Variants in SRPRA observed in about 807,000 individuals in gnomAD.
SRPRA encodes the protein SRP receptor subunit alpha, also known as signal recognition particle receptor subunit alpha.
SRPRA carries 30 observed loss-of-function variants against 61.1 expected under a neutral mutation model. The ratio of observed to expected loss-of-function variants is 0.49; its 90% CI spans 0.37 to 0.67. The LOEUF (loss-of-function observed/expected upper bound fraction) is 0.67. Among genes scored for constraint, SRPRA ranks in the 30% least tolerant of loss-of-function variants. The pLI, the probability that SRPRA is intolerant of heterozygous loss-of-function variation, is 0.00. For missense variants in SRPRA, 759 were observed against 828.4 expected, an observed-to-expected ratio of 0.92 and a Z score of 1.03; for synonymous variants, 324 against 299.7, an observed-to-expected ratio of 1.08 and a Z score of -0.84.
In SRPRA at chr11:126,264,453, G is replaced by C; in HGVS notation, c.1612C>G (p.Leu538Val). ...NAPLMTALAK[L>V]ITVNTPDLVL... The stretch of plus-strand genomic sequence containing the variant: ...AAATCAGGTGTATTGACAGTAATGA[G>C]TTTGGCCAGGGCAGTCATCAGAGGG... Residue 538 changes from leucine (L) to valine (V), a missense_variant, in exon 12 of 14, where the codon CTC becomes GTC. Physicochemically the swap from Leu to Val is conservative, Grantham distance 32 (BLOSUM62 1). Coordinates refer to ENST00000332118, the MANE Select transcript of SRPRA (RefSeq NM_003139.4). This position sits in a 1 kb window ranked among gnomAD's most constrained non-coding sequence, Gnocchi z 5.0. The C allele has an allele frequency of 6.2e-7, 1 of 1,614,226 alleles. No homozygotes were observed. The highest frequency in any genetic ancestry group is 1.3e-5 in the African/African-American group (1 of 75,060).
rs752047673 is a variant in SRPRA, at chr11:126,267,972, T to G, written c.201+31A>C. On this transcript the variant is annotated intron_variant, in intron 2 of 13. Transcript: ENST00000332118. The surrounding 1 kb of genome is among the most constrained non-coding windows in gnomAD (Gnocchi z 4.2). The stretch of plus-strand genomic sequence containing the variant: ...TTAAAAATCAGGGCTATGTTAACAA[T>G]GCAATCGTCCCTCTACAACACCCCA... 3.1e-6 allele frequency: 5 copies of G among 1,601,428 alleles called. No homozygotes were observed.
Position 126,263,737 on chromosome 11 carries a change from T to C in SRPRA, c.*179A>G, listed in dbSNP as rs1049665. On this transcript the variant is annotated 3_prime_UTR_variant, in exon 14 of 14. Coordinates refer to ENST00000332118, the MANE Select transcript of SRPRA (RefSeq NM_003139.4). ...GCAGTGATTGTAACATGATTAGGCC[T>C]TCCTTGCAGATGGCGGCTGTGCTGA... is the stretch of plus-strand genomic sequence containing the variant. The C allele has an allele frequency of 0.12, 102,147 of 871,096 alleles. 6,304 individuals carry two copies. The highest frequency in any genetic ancestry group is 0.14 in the African/African-American group (8,421 of 59,496). 54.0% of individuals were successfully genotyped at this position (871,096 alleles called of 1,614,324 possible). A position where few individuals can be genotyped will look rare whatever the true frequency, so the allele number is the denominator to read the frequency against.
At chr11:126,266,161 C>G (rs1338233975) in intron 7 of SRPRA, 26 bp downstream of exon 7, 3 of 1,613,494 alleles carry the variant, frequency 1.9e-6, no homozygotes, top group Non-Finnish European at 2.5e-6. Context: ...GATGCATATA[C>G]CAACCCCCAC....
chr11:126,267,541 T>C lies in SRPRA; in HGVS notation c.365+8A>G. ...ATAAATTGATTTTAGAGAAGGCAGGTCTCTCACCGAAGGAGCCGCAGGAAG... is the reference window on the plus strand; with the variant it reads ...ATAAATTGATTTTAGAGAAGGCAGGCCTCTCACCGAAGGAGCCGCAGGAAG... On this transcript the variant is annotated splice_region_variant and intron_variant, in intron 3 of 13. Transcript: ENST00000332118. The surrounding 1 kb of genome is among the most constrained non-coding windows in gnomAD (Gnocchi z 4.2). 2 of 1,613,278 alleles carry C rather than the reference T, an allele frequency of 1.2e-6. No individual in the cohort carries two copies. Among genetic ancestry groups the C allele is most frequent in the African/African-American group, 1.3e-5 (1 of 75,018 alleles).
the SRPRA span, among the ~76,000 whole-genome samples, chr11:126,244,733 G>C: frequency 6.6e-6 from 1 of 152,162 alleles, no homozygotes; most frequent in African/African-American, 2.4e-5. The surrounding 1 kb of genome is among the most constrained non-coding windows in gnomAD (Gnocchi z 4.5). Flanking sequence ...GAACCTGGGA[G>C]CAGAGGTTGC....
chr11:126,236,029 C>T, the SRPRA span, among the ~76,000 whole-genome samples: 9 of 152,192 alleles, frequency 5.9e-5, no homozygotes, highest in South Asian at 2.1e-4. Context: ...TGAAACACAC[C>T]GATAACTTGC....
chr11:126,267,173 G>C lies in SRPRA; in HGVS notation c.526+2C>G. 1 of 1,613,922 alleles carries C rather than the reference G, an allele frequency of 6.2e-7. No homozygotes were observed. The highest frequency in any genetic ancestry group is 8.5e-7 in the Non-Finnish European group (1 of 1,180,004). Reference sequence around the variant, plus strand: ...CAGTATATCCAAAGAACTCAAACTTGCCTTCCTTCTTGGCCCCCTTTTTTT... The same window carrying C: ...CAGTATATCCAAAGAACTCAAACTTCCCTTCCTTCTTGGCCCCCTTTTTTT... On this transcript the variant is annotated splice_donor_variant, in intron 4 of 13. Coordinates refer to ENST00000332118, the MANE Select transcript of SRPRA (RefSeq NM_003139.4). LOFTEE classifies it high-confidence loss of function. The surrounding 1 kb of genome is among the most constrained non-coding windows in gnomAD (Gnocchi z 4.2).
Position 126,264,173 on chromosome 11 carries a change from C to T in SRPRA, c.1788+18G>A, listed in dbSNP as rs1950759027. ...CTTTGTGCAGGACGCCCATTCCAGCCTCCAGTCTCACGTTTACCTTGTCAT... is the reference window on the plus strand; with the variant it reads ...CTTTGTGCAGGACGCCCATTCCAGCTTCCAGTCTCACGTTTACCTTGTCAT... On this transcript the variant is annotated intron_variant, in intron 13 of 13. Transcript: ENST00000332118. This position sits in a 1 kb window ranked among gnomAD's most constrained non-coding sequence, Gnocchi z 5.0. The T allele has an allele frequency of 1.2e-6, 2 of 1,613,278 alleles. No homozygotes were observed. The highest frequency in any genetic ancestry group is 1.1e-5 in the South Asian group (1 of 90,972).
Position 126,263,964 on chromosome 11 carries a change from T to C in SRPRA, c.1869A>G (p.Leu623=), listed in dbSNP as rs964113582. 2 of 1,614,208 alleles carry C rather than the reference T, an allele frequency of 1.2e-6. No homozygotes were observed. The highest frequency in any genetic ancestry group is 1.7e-6 in the Non-Finnish European group (2 of 1,180,030). Reference sequence around the variant, plus strand: ...CCACAGCCTTGGCATTGAGGCTGCGTAGGTCACAGTAGGTCTGGCCGGTGC... The same window carrying C: ...CCACAGCCTTGGCATTGAGGCTGCGCAGGTCACAGTAGGTCTGGCCGGTGC... ...FVGTGQTYCD[L]RSLNAKAVVA... is the part of the protein sequence containing the mutation. Residue 623 remains leucine (L), a synonymous_variant, in exon 14 of 14, where the codon CTA becomes CTG. Coordinates refer to ENST00000332118, the MANE Select transcript of SRPRA (RefSeq NM_003139.4).
At chr11:126,246,591 G>T in the SRPRA span, among the ~76,000 whole-genome samples, 2 of 152,254 alleles carry the variant, frequency 1.3e-5, no homozygotes, top group Admixed American at 6.5e-5. Context: ...GGAGGCGGTG[G>T]GGGAACAGGT....
the SRPRA span, chr11:126,250,586 T>G: frequency 6.2e-7 from 1 of 1,614,108 alleles, no homozygotes; most frequent in Non-Finnish European, 8.5e-7. This position sits in a 1 kb window ranked among gnomAD's most constrained non-coding sequence, Gnocchi z 5.1. Context: ...AGATGGAAGA[T>G]TCTGGAAAAC....
chr11:126,256,721 A>T, the SRPRA span: 1 of 1,614,240 alleles, frequency 6.2e-7, no homozygotes, highest in Non-Finnish European at 8.5e-7. This position sits in a 1 kb window ranked among gnomAD's most constrained non-coding sequence, Gnocchi z 6.6. Context: ...GGAGACGTAG[A>T]TGAGTTCAAA....
chr11:126,248,505 G>T, the SRPRA span, among the ~76,000 whole-genome samples: 1 of 151,314 alleles, frequency 6.6e-6, no homozygotes, highest in Non-Finnish European at 1.5e-5. Context: ...CGAGTAGCTG[G>T]CACTACAGGC....
At chr11:126,250,755 C>A in the SRPRA span, 2 of 1,537,902 alleles carry the variant, frequency 1.3e-6, no homozygotes, top group Admixed American at 3.4e-5. The surrounding 1 kb of genome is among the most constrained non-coding windows in gnomAD (Gnocchi z 5.1). Flanking sequence ...AGCATTGGTC[C>A]CTTCTTCAGG....
chr11:126,262,822 T>C (rs1034064314), downstream of SRPRA: 4 of 152,646 alleles, frequency 2.6e-5, no homozygotes, highest in African/African-American at 9.6e-5. Context: ...CTCGGAGCAT[T>C]ATCAACTTCT....
chr11:126,250,619 C>T, the SRPRA span: 44 of 1,613,738 alleles, frequency 2.7e-5, no homozygotes, highest in Non-Finnish European at 2.7e-5. This position sits in a 1 kb window ranked among gnomAD's most constrained non-coding sequence, Gnocchi z 5.1. Context: ...CAGTTCTCCA[C>T]CTGATGGAAA....
chr11:126,255,134 A>G, the SRPRA span, among the ~76,000 whole-genome samples: 1 of 152,252 alleles, frequency 6.6e-6, no homozygotes, highest in African/African-American at 2.4e-5. The surrounding 1 kb of genome is among the most constrained non-coding windows in gnomAD (Gnocchi z 4.6). Flanking sequence ...CTTTGTATAA[A>G]TGGCAATGGG....
At position 126,265,679 on chromosome 11, in the gene SRPRA, CTG is replaced by C. The variant is rs1335098258; in HGVS notation, c.1138+56_1138+57del. ...CCGAAAGTCACATACCTAGTAAGAA[CTG>C]AGGTCTATGCACTTAACCTACACAT... On this transcript the variant is annotated intron_variant, in intron 9 of 13. Transcript: ENST00000332118. The surrounding 1 kb of genome is among the most constrained non-coding windows in gnomAD (Gnocchi z 6.3). 19 of 1,568,794 alleles carry C rather than the reference CTG, an allele frequency of 1.2e-5. No individual in the cohort carries two copies. Among genetic ancestry groups the C allele is most frequent in the Non-Finnish European group, 1.7e-5 (19 of 1,140,462 alleles).
chr11:126,247,256 T>C, the SRPRA span, among the ~76,000 whole-genome samples: 2 of 152,128 alleles, frequency 1.3e-5, no homozygotes, highest in Admixed American at 6.6e-5. Context: ...CATGCCACTG[T>C]ACTCCAGCTT....
Sources: gnomAD v4.1 joint callset for allele counts (sites outside exome capture counted in the v4.1 genomes callset) on GRCh38, gnomAD v4.1.1 for gene constraint, Gnocchi (gnomAD v3.1) non-coding constraint, MANE v1.5 for transcripts, NCBI Gene and HGNC (gene_info 2026-07-23, HGNC 2026-07-21) for gene names.